AKAIN1: variants seen among roughly 807,000 people sequenced by gnomAD.
The protein encoded by AKAIN1 is A-kinase anchor protein inhibitor 1.
A neutral mutation model predicts 3.7 loss-of-function variants in AKAIN1; 3 were observed. That is an observed-to-expected ratio of 0.82 (90% CI 0.37 to 2.12). The LOEUF (loss-of-function observed/expected upper bound fraction) is 2.12, where lower values mean the gene tolerates loss of function less well. AKAIN1 is among the 30% of genes most tolerant of loss of function. The pLI, the probability that AKAIN1 is intolerant of heterozygous loss-of-function variation, is 0.06. For synonymous variants in AKAIN1, 31 were observed against 30.8 expected (o/e 1.01, Z -0.02); for missense variants, 82 against 82.7 (o/e 0.99, Z 0.03).
At chr18:5,161,254 G>T (rs1036174350) in intron 1 of AKAIN1, among the ~76,000 whole-genome samples, 2 of 151,700 alleles carry the variant, frequency 1.3e-5, no homozygotes, top group South Asian at 2.1e-4. Flanking sequence ...ACAAGGTATT[G>T]TACATCTTTT....
At chr18:5,190,182 T>C (rs2071311089) in intron 1 of AKAIN1, among the ~76,000 whole-genome samples, 1 of 152,186 alleles carries the variant, frequency 6.6e-6, no homozygotes, top group Non-Finnish European at 1.5e-5. Context: ...ACTCTTGCAA[T>C]AGTGGTATTA....
chr18:5,173,317 T>A (rs2071208229), intron 1 of AKAIN1, among the ~76,000 whole-genome samples: 1 of 152,170 alleles, frequency 6.6e-6, no homozygotes, highest in Non-Finnish European at 1.5e-5. Context: ...CTTTCCAAAT[T>A]TCTGTAATTT....
chr18:5,170,485 T>A (rs766989408), intron 1 of AKAIN1, among the ~76,000 whole-genome samples: 3 of 152,150 alleles, frequency 2.0e-5, no homozygotes, highest in Non-Finnish European at 4.4e-5. Flanking sequence ...ATCCCTAGAA[T>A]TTTGAGTCTC....
At chr18:5,181,569 G>T (rs745438697) in intron 1 of AKAIN1, among the ~76,000 whole-genome samples, 6 of 152,088 alleles carry the variant, frequency 3.9e-5, no homozygotes, top group African/African-American at 1.2e-4. Context: ...CCCAGTAAAG[G>T]TCATTAGTGA....
intron 1 of AKAIN1, among the ~76,000 whole-genome samples, chr18:5,161,068 A>G (rs191338359): frequency 6.6e-6 from 1 of 152,222 alleles, no homozygotes; most frequent in East Asian, 1.9e-4. Flanking sequence ...TCAAAATATT[A>G]GGTTCAAAAA....
chr18:5,179,156 T>C (rs747488683), intron 1 of AKAIN1, among the ~76,000 whole-genome samples: 3 of 152,146 alleles, frequency 2.0e-5, no homozygotes, highest in Non-Finnish European at 4.4e-5. Context: ...ACCTGAATAG[T>C]AGATTGTACC....
At chr18:5,158,961 C>T (rs575918317) in intron 1 of AKAIN1, among the ~76,000 whole-genome samples, 1 of 152,274 alleles carries the variant, frequency 6.6e-6, no homozygotes, top group Non-Finnish European at 1.5e-5. Context: ...CACTGCTTCA[C>T]CTACAAATAG....
chr18:5,162,256 T>A (rs1476216910), intron 1 of AKAIN1, among the ~76,000 whole-genome samples: 1 of 152,110 alleles, frequency 6.6e-6, no homozygotes, highest in Admixed American at 6.6e-5. Context: ...CTCACTCTTC[T>A]GGTCCCCTAG....
chr18:5,150,656 G>T (rs2071075138), intron 1 of AKAIN1, among the ~76,000 whole-genome samples: 1 of 152,126 alleles, frequency 6.6e-6, no homozygotes, highest in African/African-American at 2.4e-5. Context: ...CCCCCATGGG[G>T]ATCCGGCCTT....
chr18:5,167,866 C>T (rs2071175537), intron 1 of AKAIN1, among the ~76,000 whole-genome samples: 1 of 152,046 alleles, frequency 6.6e-6, no homozygotes, highest in Non-Finnish European at 1.5e-5. Context: ...GCTAATGTTT[C>T]TAAGTAACCT....
upstream of AKAIN1, chr18:5,197,277 G>C: frequency 7.3e-7 from 1 of 1,372,854 alleles, no homozygotes; most frequent in Non-Finnish European, 9.3e-7. The surrounding 1 kb of genome is among the most constrained non-coding windows in gnomAD (Gnocchi z 6.9). Flanking sequence ...GCGGCGGCGG[G>C]AGGAGGAGGG....
In AKAIN1 at chr18:5,144,676, C is replaced by T. The variant is rs1052170470; in HGVS notation, c.*886G>A. On this transcript the variant is annotated 3_prime_UTR_variant, in exon 2 of 2. Coordinates refer to ENST00000434239, the MANE Select transcript of AKAIN1 (RefSeq NM_001145194.2). ...CATAGCCTAGTGGCAAAACAGCATT[C>T]GTTAAGGACCCCAGAATCCCTTCCA... Among the ~76,000 whole-genome samples the T allele has an allele frequency of 1.3e-5, 2 of 152,200 alleles. No individual in the cohort carries two copies. Among genetic ancestry groups the T allele is most frequent in the African/African-American group, 4.8e-5 (2 of 41,448 alleles).
chr18:5,156,158 G>C (rs1273165960), intron 1 of AKAIN1, among the ~76,000 whole-genome samples: 1 of 151,966 alleles, frequency 6.6e-6, no homozygotes, highest in African/African-American at 2.4e-5. Context: ...TCAGTTCCCG[G>C]GCATGGTGAG....
chr18:5,158,294 C>T (rs936219376), intron 1 of AKAIN1, among the ~76,000 whole-genome samples: 6 of 152,152 alleles, frequency 3.9e-5, no homozygotes, highest in East Asian at 1.9e-4. Flanking sequence ...TTTGCTGATT[C>T]GCTGCAGTGA....
intron 1 of AKAIN1, among the ~76,000 whole-genome samples, chr18:5,153,647 T>C (rs1390378737): frequency 6.6e-6 from 1 of 152,198 alleles, no homozygotes; most frequent in Non-Finnish European, 1.5e-5. Flanking sequence ...GGATTTCATA[T>C]CTAGATCTGA....
chr18:5,183,159 C>A (rs185585278), intron 1 of AKAIN1, among the ~76,000 whole-genome samples: 1 of 152,018 alleles, frequency 6.6e-6, no homozygotes, highest in East Asian at 1.9e-4. Context: ...ATAATGGCAC[C>A]TTTTGCTCTA....
chr18:5,172,991 A>C (rs1367346039), intron 1 of AKAIN1, among the ~76,000 whole-genome samples: 1 of 152,118 alleles, frequency 6.6e-6, no homozygotes, highest in Non-Finnish European at 1.5e-5. Context: ...TTAAGTTACA[A>C]TACATGGGAA....
intron 1 of AKAIN1, among the ~76,000 whole-genome samples, chr18:5,175,029 T>C (rs555824049): frequency 2.0e-5 from 3 of 152,176 alleles, no homozygotes; most frequent in African/African-American, 7.2e-5. Context: ...CCGCACAGGG[T>C]CTCACACTCA....
At chr18:5,145,940 G>A (rs929275887) in intron 1 of AKAIN1, among the ~76,000 whole-genome samples, 185 bp from the exon 2 acceptor site, 1 of 152,172 alleles carries the variant, frequency 6.6e-6, no homozygotes, top group African/African-American at 2.4e-5. Context: ...AGGACATGCT[G>A]TGGATACCAA....
Sources: allele counts gnomAD v4.1 joint callset (sites outside exome capture counted in the v4.1 genomes callset), GRCh38; gene constraint gnomAD v4.1.1; non-coding constraint Gnocchi (gnomAD v3.1); transcripts MANE v1.5; gene names NCBI Gene and HGNC (gene_info 2026-07-23, HGNC 2026-07-21).